The following SLC25A21 variants were observed in gnomAD, a reference collection of about 807,000 sequenced individuals.
SLC25A21 encodes solute carrier family 25 member 21.
A neutral mutation model predicts 43.8 loss-of-function variants in SLC25A21; 47 were observed. The observed-to-expected ratio is 1.07, with a 90% CI of 0.85 to 1.37. The LOEUF (loss-of-function observed/expected upper bound fraction) is 1.37. SLC25A21 is among the 40% of genes most tolerant of loss of function. SLC25A21 has a pLI of 0.00. For synonymous variants in SLC25A21, 131 were observed against 121.3 expected (o/e 1.08, Z -0.52); for missense variants, 352 against 350.2 (o/e 1.00, Z -0.04).
At chr14:36,939,159 A>C (rs1002874063) in intron 1 of SLC25A21, among the ~76,000 whole-genome samples, 1 of 152,142 alleles carries the variant, frequency 6.6e-6, no homozygotes, top group Non-Finnish European at 1.5e-5. Context: ...TGTGTTTCCC[A>C]GCTAATTTGT....
chr14:36,896,087 G>A (rs1891230446), intron 1 of SLC25A21, among the ~76,000 whole-genome samples: 1 of 152,118 alleles, frequency 6.6e-6, no homozygotes, highest in South Asian at 2.1e-4. Context: ...TCAATTCCTG[G>A]ATATCCTCGT....
rs187096988 is a variant in SLC25A21, at chr14:36,773,917, G to A, written c.204-39344C>T. ...AAGATGATGGTTCAAAGGTATTCAC[G>A]GATGCTTTTTGTAATGAATACACAT... is the stretch of plus-strand genomic sequence containing the variant. On this transcript the variant is annotated intron_variant, in intron 3 of 9. Coordinates refer to ENST00000331299, the MANE Select transcript of SLC25A21 (RefSeq NM_030631.4). 3.9e-5 allele frequency among the ~76,000 whole-genome samples: 6 copies of A among 152,262 alleles called. 1 individual carries two copies. The highest frequency in any genetic ancestry group is 4.2e-4 in the South Asian group (2 of 4,814).
At chr14:37,150,633 A>C (rs1413691160) in intron 1 of SLC25A21, among the ~76,000 whole-genome samples, 1 of 152,228 alleles carries the variant, frequency 6.6e-6, no homozygotes, top group Non-Finnish European at 1.5e-5. Context: ...TTTTCCTTTT[A>C]AAAAGAAAAT....
At chr14:36,939,295 C>G (rs539007750) in intron 1 of SLC25A21, among the ~76,000 whole-genome samples, 51 of 151,800 alleles carry the variant, frequency 3.4e-4, no homozygotes, top group South Asian at 6.2e-4. Flanking sequence ...ATCATATAAG[C>G]TGGAGCCAGG....
chr14:36,805,801 G>A (rs1383789535), intron 3 of SLC25A21, among the ~76,000 whole-genome samples: 1 of 152,066 alleles, frequency 6.6e-6, no homozygotes, highest in Non-Finnish European at 1.5e-5. Flanking sequence ...TATACTTGAT[G>A]ACTAAAAATT....
At chr14:36,967,304 T>C (rs916707114) in intron 1 of SLC25A21, among the ~76,000 whole-genome samples, 1 of 152,194 alleles carries the variant, frequency 6.6e-6, no homozygotes, top group Non-Finnish European at 1.5e-5. Context: ...GGTCTTTACC[T>C]GATGTCCCCT....
intron 3 of SLC25A21, among the ~76,000 whole-genome samples, chr14:36,739,268 T>C (rs920049512): frequency 6.6e-6 from 1 of 152,222 alleles, no homozygotes; most frequent in Non-Finnish European, 1.5e-5. Context: ...AATAAAATCA[T>C]TTTTGTGAAA....
intron 1 of SLC25A21, among the ~76,000 whole-genome samples, chr14:36,891,032 C>T (rs113854898): frequency 1.3e-5 from 2 of 152,108 alleles, no homozygotes; most frequent in African/African-American, 4.8e-5. Context: ...AGTATTAAGT[C>T]CTCAAAAGTA....
chr14:36,956,427 G>T (rs903433915), intron 1 of SLC25A21, among the ~76,000 whole-genome samples: 12 of 152,190 alleles, frequency 7.9e-5, no homozygotes, highest in Non-Finnish European at 1.8e-4. Flanking sequence ...ACTTAATGAG[G>T]TTAGTAATGC....
At chr14:36,896,310 C>T (rs1891237031) in intron 1 of SLC25A21, among the ~76,000 whole-genome samples, 1 of 152,090 alleles carries the variant, frequency 6.6e-6, no homozygotes. Flanking sequence ...TTCTTTGTCT[C>T]TTTTGATCTT....
At chr14:36,720,714 T>C (rs1012968666) in intron 6 of SLC25A21, among the ~76,000 whole-genome samples, 1 of 152,248 alleles carries the variant, frequency 6.6e-6, no homozygotes, top group African/African-American at 2.4e-5. Context: ...AAGAAATCTC[T>C]TGATTGTGGT....
intron 2 of SLC25A21, among the ~76,000 whole-genome samples, chr14:36,849,116 A>C (rs1053087554): frequency 6.6e-6 from 1 of 152,162 alleles, no homozygotes; most frequent in Non-Finnish European, 1.5e-5. Context: ...TAAGTACAAA[A>C]ATTGATATCT....
intron 4 of SLC25A21, among the ~76,000 whole-genome samples, chr14:36,734,231 T>C (rs79289469): frequency 0.014 from 2,147 of 152,284 alleles, 36 homozygotes; most frequent in African/African-American, 0.048. Flanking sequence ...CCAAGCTATT[T>C]TGTGGTTTGA....
chr14:36,768,978 T>TGTATCC (rs1886519080), intron 3 of SLC25A21, among the ~76,000 whole-genome samples: 1 of 151,380 alleles, frequency 6.6e-6, no homozygotes. Context: ...TATCTATATC[T>TGTATCC]ATATCTGTAT....
chr14:36,806,865 C>G (rs1888058760), intron 3 of SLC25A21: 1 of 152,176 alleles, frequency 6.6e-6, no homozygotes, highest in Non-Finnish European at 1.5e-5. Context: ...AAAGCCCAGG[C>G]AGGCCATGGC....
intron 3 of SLC25A21, among the ~76,000 whole-genome samples, chr14:36,741,303 C>G (rs1447222766): frequency 6.6e-6 from 1 of 152,142 alleles, no homozygotes; most frequent in East Asian, 1.9e-4. Context: ...TTATTTGCAG[C>G]TCCCAGTGAG....
intron 1 of SLC25A21, among the ~76,000 whole-genome samples, chr14:36,953,279 A>G (rs972555793): frequency 6.6e-6 from 1 of 152,222 alleles, no homozygotes; most frequent in Non-Finnish European, 1.5e-5. Flanking sequence ...GCTGAGCTAA[A>G]TAACAAAGCT....
intron 1 of SLC25A21, among the ~76,000 whole-genome samples, chr14:36,976,347 A>C (rs779643537): frequency 1.3e-5 from 2 of 152,116 alleles, no homozygotes; most frequent in African/African-American, 4.8e-5. Flanking sequence ...TTGTCTGTGG[A>C]CCTGAGTAAT....
At chr14:36,754,908 G>A (rs1052451163) in intron 3 of SLC25A21, among the ~76,000 whole-genome samples, 6 of 152,106 alleles carry the variant, frequency 3.9e-5, no homozygotes, top group African/African-American at 9.7e-5. Flanking sequence ...TTGTTTTCAG[G>A]AGAGCTAAGG....
Sources: allele counts gnomAD v4.1 joint callset (sites outside exome capture counted in the v4.1 genomes callset), GRCh38; gene constraint gnomAD v4.1.1; transcripts MANE v1.5; gene names NCBI Gene and HGNC (gene_info 2026-07-23, HGNC 2026-07-21).